ZFAT: variants seen among roughly 807,000 people sequenced by gnomAD.
The protein encoded by ZFAT is zinc finger protein ZFAT.
In ZFAT, 64 loss-of-function variants were observed where a neutral mutation model predicts 117.7. The observed-to-expected ratio is 0.54, with a 90% CI of 0.44 to 0.67. The LOEUF is 0.67. Among genes scored for constraint, ZFAT ranks in the 30% least tolerant of loss-of-function variants. The pLI is 0.00. For missense variants in ZFAT, 1,433 were observed against 1,584.5 expected (o/e 0.90, Z 1.62); for synonymous variants, 679 against 615.0 (o/e 1.10, Z -1.54).
At chr8:134,620,657 C>A (rs189714642) in intron 3 of ZFAT, among the ~76,000 whole-genome samples, 2 of 152,200 alleles carry the variant, frequency 1.3e-5, no homozygotes, top group Admixed American at 6.5e-5. Flanking sequence ...GTCACTCTTC[C>A]GAGATGGTAG....
Position 134,571,410 on chromosome 8 carries a change from C to T in ZFAT, c.2888-5989G>A, listed in dbSNP as rs139683976. 7.5e-3 allele frequency among the ~76,000 whole-genome samples: 1,141 copies of T among 152,328 alleles called. 16 individuals are homozygous for T. Among genetic ancestry groups the T allele is most frequent in the African/African-American group, 0.025 (1,044 of 41,578 alleles). On this transcript the variant is annotated intron_variant, in intron 10 of 15. Coordinates refer to ENST00000377838, the MANE Select transcript of ZFAT (RefSeq NM_020863.4). ...CAAAGGCTCTGAGTCTCTGTAAGATCCCAGGTAACTTTACCATAAATGCCC... is the reference window on the plus strand; with the variant it reads ...CAAAGGCTCTGAGTCTCTGTAAGATTCCAGGTAACTTTACCATAAATGCCC...
intron 12 of ZFAT, 47 bp from the exon 13 acceptor site, chr8:134,521,048 G>A (rs1224895867): frequency 7.1e-7 from 1 of 1,416,832 alleles, no homozygotes; most frequent in East Asian, 2.3e-5. Context: ...TCGTAATACA[G>A]AAAAATGCAA....
chr8:134,659,907 T>A (rs919504762), intron 1 of ZFAT, among the ~76,000 whole-genome samples: 1 of 152,220 alleles, frequency 6.6e-6, no homozygotes, highest in East Asian at 1.9e-4. Context: ...GGTAACGACC[T>A]GAGAGAATTC....
chr8:134,590,468 G>T, intron 7 of ZFAT, 113 bp from the exon 8 acceptor site: 1 of 715,264 alleles, frequency 1.4e-6, no homozygotes, highest in Non-Finnish European at 2.3e-6. Flanking sequence ...TACCACTCAC[G>T]CTATCAACAG....
chr8:134,636,922 C>T (rs1455111669), intron 3 of ZFAT, among the ~76,000 whole-genome samples: 1 of 152,248 alleles, frequency 6.6e-6, no homozygotes, highest in African/African-American at 2.4e-5. Context: ...AGAATGCCCA[C>T]TGAAATCTAG....
chr8:134,602,266 G>C lies in ZFAT; in HGVS notation c.1453C>G (p.Gln485Glu). 1 of 1,613,838 alleles carries C rather than the reference G, an allele frequency of 6.2e-7. No homozygotes were observed. Among genetic ancestry groups the C allele is most frequent in the Non-Finnish European group, 8.5e-7 (1 of 1,180,044 alleles). The part of the protein sequence containing the change: ...THIKEVHGAA[Q>E]EALVFTSSIN... ...GAACTGGTGAAGACCAAGGCCTCCT[G>C]GGCAGCCCCGTGCACCTCTTTGATG... Residue 485 changes from glutamine (Q) to glutamate (E), a missense_variant, in exon 6 of 16, where the codon CAG becomes GAG. Coordinates refer to ENST00000377838, the MANE Select transcript of ZFAT (RefSeq NM_020863.4).
chr8:134,653,926 C>T (rs538089345), intron 2 of ZFAT, among the ~76,000 whole-genome samples: 5 of 152,102 alleles, frequency 3.3e-5, no homozygotes, highest in African/African-American at 9.7e-5. Context: ...CTTGTTAGCA[C>T]CATTATTTCT....
intron 1 of ZFAT, among the ~76,000 whole-genome samples, chr8:134,712,390 G>A (rs2131374462): frequency 6.6e-6 from 1 of 152,302 alleles, no homozygotes; most frequent in Non-Finnish European, 1.5e-5. Context: ...TGGAAGATCT[G>A]TCACTCTATT....
At chr8:134,797,802 A>G in the ZFAT span, 3 of 151,986 alleles carry the variant, frequency 2.0e-5, no homozygotes, top group Admixed American at 2.0e-4. Context: ...TTTATAATGT[A>G]CTAGTAGCTT....
At chr8:134,693,962 C>A (rs1368493384) in intron 1 of ZFAT, among the ~76,000 whole-genome samples, 1 of 152,178 alleles carries the variant, frequency 6.6e-6, no homozygotes, top group Non-Finnish European at 1.5e-5. Context: ...ATTATTTCTG[C>A]GCAATTCCTG....
the ZFAT span, among the ~76,000 whole-genome samples, chr8:134,804,356 G>A: frequency 1.3e-5 from 2 of 152,316 alleles, no homozygotes; most frequent in East Asian, 3.9e-4. Context: ...GTTCTGATTA[G>A]GAGCTGTAAT....
chr8:134,557,573 T>C (rs949550362), intron 11 of ZFAT, among the ~76,000 whole-genome samples: 5 of 152,246 alleles, frequency 3.3e-5, no homozygotes, highest in Admixed American at 6.5e-5. Flanking sequence ...CTCTGTACTA[T>C]AGTCACATTT....
At chr8:134,798,454 T>A in the ZFAT span, among the ~76,000 whole-genome samples, 1 of 152,114 alleles carries the variant, frequency 6.6e-6, no homozygotes, top group African/African-American at 2.4e-5. Context: ...ACTAAAATTC[T>A]GTAACAATTC....
At chr8:134,771,350 G>T in the ZFAT span, among the ~76,000 whole-genome samples, 1 of 152,122 alleles carries the variant, frequency 6.6e-6, no homozygotes, top group Non-Finnish European at 1.5e-5. Flanking sequence ...GCCTTTAACA[G>T]CACCCAAGTC....
chr8:134,778,288 A>G, the ZFAT span, among the ~76,000 whole-genome samples: 2 of 152,240 alleles, frequency 1.3e-5, no homozygotes, highest in African/African-American at 4.8e-5. Flanking sequence ...GAGAAGGCAT[A>G]TGACTCATGC....
the ZFAT span, among the ~76,000 whole-genome samples, chr8:134,781,098 A>G: frequency 1.3e-5 from 2 of 152,036 alleles, no homozygotes; most frequent in African/African-American, 4.8e-5. Context: ...GGAAGGTATC[A>G]TTAAACTTTA....
In ZFAT at chr8:134,545,348, C is replaced by A. The variant is rs558631435; in HGVS notation, c.2977-12376G>T. Among the ~76,000 whole-genome samples, 3 of 152,184 alleles carry A rather than the reference C, an allele frequency of 2.0e-5. No individual in the cohort carries two copies. The South Asian group carries it at 6.2e-4, about 32-fold the overall frequency. ...GCAACATACTGAGACTCTGTCTCTA[C>A]CAAAAAATTTTTTTTAATTAGCTAG... On this transcript the variant is annotated intron_variant, in intron 11 of 15. Coordinates refer to ENST00000377838, the MANE Select transcript of ZFAT (RefSeq NM_020863.4).
the ZFAT span, among the ~76,000 whole-genome samples, chr8:134,757,009 CTTTTTTTTTTT>C: frequency 3.7e-5 from 3 of 81,212 alleles, no homozygotes; most frequent in Non-Finnish European, 6.6e-5. Context: ...ACCTTCTTTC[CTTTTTTTTTTT>C]TTTTTTTTTT....
the ZFAT span, among the ~76,000 whole-genome samples, chr8:134,744,992 G>T: frequency 6.6e-6 from 1 of 151,998 alleles, no homozygotes; most frequent in Non-Finnish European, 1.5e-5. Flanking sequence ...GCCTCCCAAA[G>T]TGCTGGAATT....
Sources: gnomAD v4.1 joint callset for allele counts (sites outside exome capture counted in the v4.1 genomes callset) on GRCh38, gnomAD v4.1.1 for gene constraint, MANE v1.5 for transcripts, NCBI Gene and HGNC (gene_info 2026-07-23, HGNC 2026-07-21) for gene names.